WDR48: variants seen among roughly 807,000 people sequenced by gnomAD.
The protein encoded by WDR48 is WD repeat-containing protein 48.
Under a neutral mutation model 94.0 loss-of-function variants are expected in WDR48, and 22 were observed. That is an observed-to-expected ratio of 0.23 (90% CI 0.17 to 0.33). The LOEUF (loss-of-function observed/expected upper bound fraction) is 0.33, where lower values mean the gene tolerates loss of function less well. Ranked by LOEUF, WDR48 falls within the 10% of genes least tolerant of loss-of-function variation. The pLI is 1.00. For synonymous variants in WDR48, 278 were observed against 280.5 expected (o/e 0.99, Z 0.09); for missense variants, 541 against 813.8 (o/e 0.66, Z 4.08).
In WDR48 at chr3:39,095,787, C is replaced by A. The variant is rs1053489; in HGVS notation, c.*1044C>A. 0.1 allele frequency: 15,828 copies of A among 152,686 alleles called. 1,049 individuals are homozygous for A. The highest frequency in any genetic ancestry group is 0.22 in the East Asian group (1,116 of 5,184). 9.5% of individuals were successfully genotyped at this position (152,686 alleles called of 1,614,324 possible). On this transcript the variant is annotated 3_prime_UTR_variant, in exon 19 of 19. Coordinates refer to ENST00000302313, the MANE Select transcript of WDR48 (RefSeq NM_020839.4). Reference sequence around the variant, plus strand: ...CACTGTTCTAACAATCTAACACTTTCATAGAATCATTTGGATCTTGTATAG... The same window carrying A: ...CACTGTTCTAACAATCTAACACTTTAATAGAATCATTTGGATCTTGTATAG...
Position 39,052,031 on chromosome 3 carries a change from G to C in WDR48, c.6G>C (p.Ala2=). 1 of 1,613,896 alleles carries C rather than the reference G, an allele frequency of 6.2e-7. No individual in the cohort carries two copies. Among genetic ancestry groups the C allele is most frequent in the Non-Finnish European group, 8.5e-7 (1 of 1,179,952 alleles). Residue 2 remains alanine, a synonymous_variant, in exon 1 of 19, where the codon GCG becomes GCC. Coordinates refer to ENST00000302313, the MANE Select transcript of WDR48 (RefSeq NM_020839.4). M[A]AHHRQNTAGR... is the part of the protein sequence containing the mutation. ...TCGGAGTGTCAACATGCAAGATGGC[G>C]GCCCATCACCGGCAGAACACAGCAG...
chr3:39,090,114 T>G (rs1223425577), intron 16 of WDR48: 2 of 152,234 alleles, frequency 1.3e-5, no homozygotes, highest in Non-Finnish European at 2.9e-5. Context: ...CAACAGTGTA[T>G]GAGTGCCCAT....
intron 1 of WDR48, among the ~76,000 whole-genome samples, chr3:39,058,088 C>T (rs991422003): frequency 6.6e-6 from 1 of 152,160 alleles, no homozygotes; most frequent in African/African-American, 2.4e-5. Flanking sequence ...TCAGTCTAGA[C>T]CTCCATCAAC....
At chr3:39,088,858 T>C (rs1472739994) in intron 15 of WDR48, among the ~76,000 whole-genome samples, 1 of 152,226 alleles carries the variant, frequency 6.6e-6, no homozygotes, top group African/African-American at 2.4e-5. Flanking sequence ...ATCTTTCTGA[T>C]AGTTTCCTGA....
At chr3:39,084,816 C>A in intron 13 of WDR48, 75 bp downstream of exon 13, 1 of 1,284,324 alleles carries the variant, frequency 7.8e-7, no homozygotes, top group Non-Finnish European at 1.1e-6. Flanking sequence ...TTGCTAAGTA[C>A]TTATCTTTGT....
chr3:39,054,089 G>A (rs2032687408), intron 1 of WDR48, among the ~76,000 whole-genome samples: 1 of 152,214 alleles, frequency 6.6e-6, no homozygotes, highest in African/African-American at 2.4e-5. Flanking sequence ...GAAGCAGCCT[G>A]AGAAGCCACA....
At chr3:39,064,410 G>T (rs1460458745) in intron 2 of WDR48, among the ~76,000 whole-genome samples, 2 of 151,930 alleles carry the variant, frequency 1.3e-5, no homozygotes, top group East Asian at 3.9e-4. Flanking sequence ...CAGCAGCTGG[G>T]ACTACAGGCA....
intron 14 of WDR48, among the ~76,000 whole-genome samples, chr3:39,086,607 A>C (rs1281798892): frequency 6.6e-6 from 1 of 152,178 alleles, no homozygotes; most frequent in Non-Finnish European, 1.5e-5. Context: ...ACTTTGAGCT[A>C]AAGAAACTGA....
At chr3:39,058,613 A>G (rs944236833) in intron 1 of WDR48, among the ~76,000 whole-genome samples, 1 of 152,194 alleles carries the variant, frequency 6.6e-6, no homozygotes, top group Non-Finnish European at 1.5e-5. Context: ...GCTGAAGTTG[A>G]CATTGAAGCT....
At chr3:39,087,108 G>T (rs2034846335) in intron 14 of WDR48, among the ~76,000 whole-genome samples, 1 of 152,212 alleles carries the variant, frequency 6.6e-6, no homozygotes, top group Non-Finnish European at 1.5e-5. Flanking sequence ...TGAGATAGAA[G>T]GGTGCTAGGA....
chr3:39,094,017 A>T lies in WDR48; in HGVS notation c.1889A>T (p.Asp630Val), dbSNP rs780282140. 1 of 1,614,050 alleles carries T rather than the reference A, an allele frequency of 6.2e-7. No homozygotes were observed. The highest frequency in any genetic ancestry group is 1.1e-5 in the South Asian group (1 of 91,042). The change falls in exon 18 of 19, where the codon GAT becomes GTT. Residue 630 changes from aspartate (D) to valine (V), a missense_variant. By Grantham distance (152) the Asp-to-Val change is radical (BLOSUM62 -3). This residue lies in a region of WDR48 where 109 missense variants were observed against 195.5 expected (regional missense o/e 0.56). Transcript: ENST00000302313. ...CCAGGAGAACAGGAAAAAGAAGAAG[A>T]TATTGCTGTGTTGGCAGAGGAGAAA... ...EKPGEQEKEE[D>V]IAVLAEEKIE...
intron 1 of WDR48, 116 bp downstream of exon 1, chr3:39,052,189 C>T: frequency 7.6e-7 from 1 of 1,310,488 alleles, no homozygotes; most frequent in South Asian, 1.3e-5. Context: ...GCGAACGGGG[C>T]GGGGCGCGGC....
rs373723067 is a variant in WDR48, at chr3:39,056,531, C to T, written c.48+4458C>T. Among the ~76,000 whole-genome samples, 259 of 152,180 alleles carry T rather than the reference C, an allele frequency of 1.7e-3. No individual in the cohort carries two copies. The Middle Eastern group carries it at 0.02, about 12-fold the overall frequency. On this transcript the variant is annotated intron_variant, in intron 1 of 18. Coordinates refer to ENST00000302313, the MANE Select transcript of WDR48 (RefSeq NM_020839.4). ...ACAACACCAAGGAAAAAGAGAAAAT[C>T]CTGAAAGCTTAGGGAAGGAGATGAC...
chr3:39,094,320 CA>C, intron 18 of WDR48: 6 of 1,420,338 alleles, frequency 4.2e-6, no homozygotes, highest in Non-Finnish European at 5.5e-6. Context: ...TCTTGATTTG[CA>C]AAAAGCATGT....
intron 2 of WDR48, among the ~76,000 whole-genome samples, chr3:39,064,650 G>A (rs2125644790): frequency 6.6e-6 from 1 of 152,292 alleles, no homozygotes; most frequent in East Asian, 1.9e-4. Flanking sequence ...CAGAGAATTA[G>A]TACCCAGCCC....
rs1036824535 is a variant in WDR48 at position 39,096,429 on chromosome 3, G to T, written c.*1686G>T. The T allele has an allele frequency of 6.6e-6, 1 of 151,844 alleles. No individual in the cohort carries two copies. The highest frequency in any genetic ancestry group is 2.4e-5 in the African/African-American group (1 of 41,240). 9.4% of individuals were successfully genotyped at this position (151,844 alleles called of 1,614,324 possible). ...TATTTACCAGCCCTCAGTTGTGTTTGCCCGAGGGGCCTTTGAGCAAAGAAA... is the reference window on the plus strand; with the variant it reads ...TATTTACCAGCCCTCAGTTGTGTTTTCCCGAGGGGCCTTTGAGCAAAGAAA... On this transcript the variant is annotated 3_prime_UTR_variant, in exon 19 of 19. Coordinates refer to ENST00000302313, the MANE Select transcript of WDR48 (RefSeq NM_020839.4).
intron 1 of WDR48, among the ~76,000 whole-genome samples, chr3:39,055,858 C>T (rs1330792259): frequency 5.9e-5 from 9 of 152,162 alleles, no homozygotes; most frequent in South Asian, 2.1e-4. Flanking sequence ...AAAAATACTT[C>T]GCTTAACTTG....
intron 14 of WDR48, chr3:39,087,916 AC>A: frequency 1.9e-6 from 1 of 532,926 alleles, no homozygotes; most frequent in Non-Finnish European, 3.3e-6. Flanking sequence ...CCTCTAAAAT[AC>A]AGTCATTTTT....
At chr3:39,074,405 G>A (rs952884097) in intron 7 of WDR48, among the ~76,000 whole-genome samples, 7 of 152,168 alleles carry the variant, frequency 4.6e-5, no homozygotes, top group Non-Finnish European at 8.8e-5. Context: ...TTACATGAGT[G>A]AATTGATCAA....
Sources: gnomAD v4.1 joint callset for allele counts (sites outside exome capture counted in the v4.1 genomes callset) on GRCh38, gnomAD v4.1.1 for gene constraint, gnomAD v4.1.1 regional missense constraint, MANE v1.5 for transcripts, NCBI Gene and HGNC (gene_info 2026-07-23, HGNC 2026-07-21) for gene names.